Variants in PRKD1 observed in about 807,000 individuals in gnomAD.
PRKD1 encodes the protein protein kinase D1, also known as serine/threonine-protein kinase D1.
PRKD1 carries 63 observed loss-of-function variants against 95.9 expected under a neutral mutation model. That is an observed-to-expected ratio of 0.66 (90% confidence interval 0.54 to 0.81). The LOEUF (loss-of-function observed/expected upper bound fraction) is 0.81, where lower values mean the gene tolerates loss of function less well. Ranked by LOEUF, PRKD1 falls within the 30% of genes least tolerant of loss-of-function variation. PRKD1 has a pLI of 0.00. For synonymous variants in PRKD1, 425 were observed against 423.1 expected, an observed-to-expected ratio of 1.00 and a Z score of -0.05; for missense variants, 1,048 against 1,165.3, an observed-to-expected ratio of 0.90 and a Z score of 1.47.
At chr14:29,813,962 T>C (rs1326227492) in intron 1 of PRKD1, among the ~76,000 whole-genome samples, 1 of 152,216 alleles carries the variant, frequency 6.6e-6, no homozygotes, top group Non-Finnish European at 1.5e-5. Context: ...GGCTGTTCAT[T>C]AGCAAAATGG....
At chr14:29,631,946 T>C (rs538918083) in intron 9 of PRKD1, among the ~76,000 whole-genome samples, 29 of 152,032 alleles carry the variant, frequency 1.9e-4, no homozygotes, top group Admixed American at 7.2e-4. Flanking sequence ...AGATTACAGG[T>C]GCATCCCATC....
chr14:29,636,516 T>C, intron 6 of PRKD1, 22 bp from the exon 7 acceptor site: 2 of 1,612,988 alleles, frequency 1.2e-6, no homozygotes, highest in Non-Finnish European at 1.7e-6. Flanking sequence ...TTTTCACCCA[T>C]GAAGATAAGC....
chr14:29,775,858 C>A (rs1253839400), intron 1 of PRKD1, among the ~76,000 whole-genome samples: 1 of 152,108 alleles, frequency 6.6e-6, no homozygotes, highest in Non-Finnish European at 1.5e-5. Flanking sequence ...TCAAGTGGGC[C>A]CCTGACCCCC....
chr14:29,746,489 A>G (rs1887223209), intron 1 of PRKD1, among the ~76,000 whole-genome samples: 1 of 151,770 alleles, frequency 6.6e-6, no homozygotes, highest in South Asian at 2.1e-4. Flanking sequence ...GTTTCTGTCT[A>G]AATATCCTTC....
chr14:29,826,758 CAT>C (rs1311294781), intron 1 of PRKD1, among the ~76,000 whole-genome samples: 1,803 of 39,786 alleles, frequency 0.045, 290 homozygotes, highest in African/African-American at 0.071. Context: ...TATATATATA[CAT>C]ATATATATAC....
chr14:29,625,502 G>T (rs758624826), intron 12 of PRKD1, among the ~76,000 whole-genome samples: 1 of 151,956 alleles, frequency 6.6e-6, no homozygotes, highest in Non-Finnish European at 1.5e-5. Context: ...ACCCCTATAC[G>T]ATGTGCATTA....
At chr14:29,725,911 T>A (rs924046723) in intron 1 of PRKD1, among the ~76,000 whole-genome samples, 2 of 152,126 alleles carry the variant, frequency 1.3e-5, no homozygotes, top group African/African-American at 4.8e-5. Context: ...GTTTTCTAAT[T>A]AGACAGCAAG....
rs374196536 is a variant in PRKD1 at position 29,624,900 on chromosome 14, A to T, written c.1799-642T>A. On this transcript the variant is annotated intron_variant, in intron 12 of 17. Transcript: ENST00000331968. ...AACTACTATAACAAACTTTTCAGGAATTCTACGGAGCACCCCCAAGTTCTT... is the reference window on the plus strand; with the variant it reads ...AACTACTATAACAAACTTTTCAGGATTTCTACGGAGCACCCCCAAGTTCTT... Among the ~76,000 whole-genome samples, 6 of 152,324 alleles carry T rather than the reference A, an allele frequency of 3.9e-5. No homozygotes were observed. The South Asian group carries it at 6.2e-4, about 16-fold the overall frequency.
At chr14:29,645,428 T>A (rs943092046) in intron 4 of PRKD1, among the ~76,000 whole-genome samples, 3 of 152,322 alleles carry the variant, frequency 2.0e-5, no homozygotes, top group South Asian at 2.1e-4. Context: ...GGTGTTATTA[T>A]GCTTAAAAGA....
At chr14:29,923,214 A>T (rs1261724069) in intron 1 of PRKD1, among the ~76,000 whole-genome samples, 2 of 143,148 alleles carry the variant, frequency 1.4e-5, no homozygotes, top group South Asian at 2.4e-4. Flanking sequence ...TGGGCAAGAG[A>T]GTGAGATTCT....
chr14:29,895,567 C>CA (rs2139420482), intron 1 of PRKD1, among the ~76,000 whole-genome samples: 1 of 152,202 alleles, frequency 6.6e-6, no homozygotes, highest in African/African-American at 2.4e-5. Context: ...GCTGAAGTCT[C>CA]ATTCGGAGGG....
chr14:29,770,324 TA>T (rs1335767547), intron 1 of PRKD1, among the ~76,000 whole-genome samples: 2 of 152,144 alleles, frequency 1.3e-5, no homozygotes, highest in Non-Finnish European at 2.9e-5. Context: ...GGGTAATGAG[TA>T]AAGGCTGGGA....
chr14:29,714,276 G>A (rs1276878345), intron 2 of PRKD1, among the ~76,000 whole-genome samples: 1 of 152,004 alleles, frequency 6.6e-6, no homozygotes, highest in Non-Finnish European at 1.5e-5. Flanking sequence ...TCCACAATAT[G>A]CTTCCACAAT....
intron 4 of PRKD1, among the ~76,000 whole-genome samples, chr14:29,658,128 T>C (rs1303480930): frequency 6.6e-6 from 1 of 152,214 alleles, no homozygotes; most frequent in Non-Finnish European, 1.5e-5. Context: ...GCTATCTATA[T>C]ATCTGATACC....
chr14:29,700,495 C>T (rs1412985995), intron 2 of PRKD1, among the ~76,000 whole-genome samples: 2 of 152,098 alleles, frequency 1.3e-5, no homozygotes, highest in Admixed American at 1.3e-4. Flanking sequence ...TAACTTCTTC[C>T]TATTTTTTCT....
chr14:29,672,764 A>G (rs755720051), intron 2 of PRKD1, among the ~76,000 whole-genome samples: 1 of 152,284 alleles, frequency 6.6e-6, no homozygotes, highest in Non-Finnish European at 1.5e-5. Flanking sequence ...GGTATATAGA[A>G]CAGAATTACT....
chr14:29,775,387 C>T (rs1888694660), intron 1 of PRKD1, among the ~76,000 whole-genome samples: 1 of 152,194 alleles, frequency 6.6e-6, no homozygotes, highest in African/African-American at 2.4e-5. Context: ...CAGGGAATTC[C>T]CTTTCCTAGC....
intron 6 of PRKD1, chr14:29,638,152 G>A: frequency 3.9e-6 from 1 of 254,422 alleles, no homozygotes; most frequent in Non-Finnish European, 7.4e-6. Flanking sequence ...AAAAGAGACT[G>A]AGAGCTATAA....
intron 1 of PRKD1, among the ~76,000 whole-genome samples, chr14:29,822,530 T>C (rs562239924): frequency 6.6e-6 from 1 of 152,298 alleles, no homozygotes; most frequent in African/African-American, 2.4e-5. Flanking sequence ...ATGACCTTAT[T>C]TTGAACCTCC....
Sources: gnomAD v4.1 joint callset for allele counts (sites outside exome capture counted in the v4.1 genomes callset) on GRCh38, gnomAD v4.1.1 for gene constraint, MANE v1.5 for transcripts, NCBI Gene and HGNC (gene_info 2026-07-23, HGNC 2026-07-21) for gene names.